The following RIMBP2 variants were observed in gnomAD, a reference collection of about 807,000 sequenced individuals.
RIMBP2 encodes the protein RIMS binding protein 2, also known as RIMS-binding protein 2.
RIMBP2 carries 48 observed loss-of-function variants against 118.6 expected under a neutral mutation model. The ratio of observed to expected loss-of-function variants is 0.40; its 90% CI spans 0.32 to 0.51. RIMBP2 has a LOEUF of 0.51. Ranked by LOEUF, RIMBP2 falls within the 20% of genes least tolerant of loss-of-function variation. The pLI is 0.41. For missense variants in RIMBP2, 1,551 were observed against 1,768.3 expected (o/e 0.88, Z 2.20); for synonymous variants, 762 against 742.9 (o/e 1.03, Z -0.42).
At chr12:130,501,870 C>T (rs547244398) in intron 4 of RIMBP2, among the ~76,000 whole-genome samples, 1 of 152,350 alleles carries the variant, frequency 6.6e-6, no homozygotes, top group South Asian at 2.1e-4. Context: ...GGGCTCCCTG[C>T]CCCGCACCAC....
At chr12:130,588,092 C>G (rs1024971049) in intron 2 of RIMBP2, among the ~76,000 whole-genome samples, 13 of 152,074 alleles carry the variant, frequency 8.5e-5, no homozygotes, top group Non-Finnish European at 1.5e-4. Flanking sequence ...TTCCCCCATC[C>G]CATCTGAATC....
chr12:130,405,441 A>G (rs1461604929), intron 21 of RIMBP2, among the ~76,000 whole-genome samples: 6 of 152,134 alleles, frequency 3.9e-5, no homozygotes, highest in Non-Finnish European at 8.8e-5. Flanking sequence ...GTGGAAACAC[A>G]TGTGCAAGGT....
intron 1 of RIMBP2, among the ~76,000 whole-genome samples, chr12:130,708,536 A>G (rs1949661394): frequency 6.6e-6 from 1 of 152,078 alleles, no homozygotes; most frequent in African/African-American, 2.4e-5. Context: ...AAATATAAAA[A>G]ATTAGCCAGG....
rs745629723 is a variant in RIMBP2 at position 130,451,329 on chromosome 12, C to T, written c.370G>A (p.Ala124Thr). The change falls in exon 8 of 23, where the codon GCT (alanine) becomes ACT (threonine). Residue 124 changes from alanine to threonine, a missense_variant. Ala to Thr is a moderately conservative substitution (Grantham distance 58). Around this residue, in one of 5 missense-constraint regions of RIMBP2, gnomAD observed 239 missense variants for 256.8 expected, o/e 0.93. Transcript: ENST00000690449. ...ATSLGKGQES[A>T]IGGSSAIGEY... ...CCGATCGCAGAGCTGCCTCCAATAG[C>T]GCTCTCCTGACCTGGCCACGAACAT... 17 of 1,612,268 alleles carry T rather than the reference C, an allele frequency of 1.1e-5. No homozygotes were observed. The highest frequency in any genetic ancestry group is 9.9e-5 in the South Asian group (9 of 90,972).
intron 4 of RIMBP2, among the ~76,000 whole-genome samples, chr12:130,485,197 G>A (rs940906551): frequency 6.6e-6 from 1 of 152,258 alleles, no homozygotes; most frequent in Non-Finnish European, 1.5e-5. Context: ...AAATGACGGT[G>A]AGAAATCGGA....
chr12:130,580,328 GT>G (rs778217165), intron 2 of RIMBP2, among the ~76,000 whole-genome samples: 79 of 152,296 alleles, frequency 5.2e-4, no homozygotes, highest in Non-Finnish European at 8.8e-4. Context: ...CATGGGGGTG[GT>G]TTCCCCCATG....
chr12:130,413,592 C>G (rs1268629187), intron 18 of RIMBP2, among the ~76,000 whole-genome samples: 1 of 137,260 alleles, frequency 7.3e-6, no homozygotes, highest in African/African-American at 2.7e-5. Context: ...GAGATGGTGC[C>G]ACTGTACTCC....
At position 130,442,025 on chromosome 12, in the gene RIMBP2, C is replaced by T. The variant is rs889328408; in HGVS notation, c.1327G>A (p.Glu443Lys). The change falls in exon 11 of 23, where the codon GAG (glutamate) becomes AAG (lysine). Residue 443 changes from glutamate (E) to lysine (K), a missense_variant. Glu to Lys is a moderately conservative substitution (Grantham distance 56). This residue lies in a region of RIMBP2 where 265 missense variants were observed against 349.5 expected (regional missense o/e 0.76). Coordinates refer to ENST00000690449, the MANE Select transcript of RIMBP2 (RefSeq NM_001393629.1). This position sits in a 1 kb window ranked among gnomAD's most constrained non-coding sequence, Gnocchi z 6.9. Reference protein sequence around the residue: ...SNYSHVIFLNEEEFDIVKAAR... With the variant: ...SNYSHVIFLNKEEFDIVKAAR... ...GCCTTGACGATGTCGAACTCCTCCTCGTTGAGGAAGATGACGTGGCTGTAG... is the reference window on the plus strand; with the variant it reads ...GCCTTGACGATGTCGAACTCCTCCTTGTTGAGGAAGATGACGTGGCTGTAG... 6.2e-7 allele frequency: 1 copy of T among 1,614,178 alleles called. No homozygotes were observed. Among genetic ancestry groups the T allele is most frequent in the South Asian group, 1.1e-5 (1 of 91,088 alleles).
chr12:130,509,651 A>G (rs771021042), intron 3 of RIMBP2, among the ~76,000 whole-genome samples: 1 of 151,824 alleles, frequency 6.6e-6, no homozygotes, highest in Non-Finnish European at 1.5e-5. Context: ...TACCCATAGC[A>G]GGTGGCCATG....
chr12:130,414,378 T>C (rs779175578), intron 17 of RIMBP2, 72 bp from the exon 18 acceptor site: 1 of 1,455,102 alleles, frequency 6.9e-7, no homozygotes, highest in Non-Finnish European at 9.3e-7. Flanking sequence ...GAAATGCAGC[T>C]TTGGAAAGCA....
intron 1 of RIMBP2, among the ~76,000 whole-genome samples, chr12:130,645,999 C>T (rs112552313): frequency 4.3e-4 from 65 of 152,222 alleles, no homozygotes; most frequent in African/African-American, 8.0e-4. Context: ...CAACACTTTG[C>T]GTTTCACCCA....
At chr12:130,494,498 G>C (rs368951717) in intron 4 of RIMBP2, among the ~76,000 whole-genome samples, 17 of 152,052 alleles carry the variant, frequency 1.1e-4, no homozygotes, top group African/African-American at 3.1e-4. Context: ...AATTAGCCAG[G>C]CATGGTGGCA....
rs1393089409 is a variant in RIMBP2 at position 130,664,401 on chromosome 12, ACG to A, written c.-351-35947_-351-35946del. On this transcript the variant is annotated intron_variant, in intron 1 of 22. Transcript: ENST00000690449. ...CACGCACGCGCATGCACACACACGC[ACG>A]CACGCACGCACACACACGCACACAC... Among the ~76,000 whole-genome samples the A allele has an allele frequency of 8.2e-5, 7 of 85,450 alleles. 1 individual carries two copies. Among genetic ancestry groups the A allele is most frequent in the East Asian group, 3.2e-4 (1 of 3,142 alleles). The allele number at this position is 85,450 out of a possible 152,430, so 56.1% of individuals were successfully genotyped here.
At chr12:130,432,365 A>T in intron 14 of RIMBP2, 1 of 453,408 alleles carries the variant, frequency 2.2e-6, no homozygotes, top group Non-Finnish European at 4.4e-6. Context: ...AGCACTTACT[A>T]CTTGCCAGTT....
chr12:130,631,177 T>C (rs1212808224), intron 1 of RIMBP2, among the ~76,000 whole-genome samples: 1 of 152,190 alleles, frequency 6.6e-6, no homozygotes, highest in Non-Finnish European at 1.5e-5. Flanking sequence ...GAGTTTTTAA[T>C]ATGTGGATTG....
chr12:130,421,143 C>T (rs1025315864), intron 17 of RIMBP2: 2 of 152,066 alleles, frequency 1.3e-5, no homozygotes, highest in Admixed American at 6.5e-5. Flanking sequence ...CCAGGAGAAC[C>T]GATTTATTAA....
chr12:130,486,473 C>T (rs1449385346), intron 4 of RIMBP2, among the ~76,000 whole-genome samples: 2 of 151,966 alleles, frequency 1.3e-5, no homozygotes, highest in Non-Finnish European at 2.9e-5. Context: ...CCCCGCCCCC[C>T]CGCCACTCAT....
intron 1 of RIMBP2, among the ~76,000 whole-genome samples, chr12:130,679,963 G>A (rs34216924): frequency 1.3e-5 from 2 of 151,556 alleles, no homozygotes; most frequent in East Asian, 3.9e-4. Flanking sequence ...CACGCAGGGA[G>A]TGTGTTCGCC....
At chr12:130,467,809 C>A (rs958353713) in intron 6 of RIMBP2, among the ~76,000 whole-genome samples, 1 of 152,124 alleles carries the variant, frequency 6.6e-6, no homozygotes, top group Non-Finnish European at 1.5e-5. Flanking sequence ...CAAGCTGTAC[C>A]CAGACAGCCT....
Sources: gnomAD v4.1 joint callset for allele counts (sites outside exome capture counted in the v4.1 genomes callset) on GRCh38, gnomAD v4.1.1 for gene constraint, gnomAD v4.1.1 regional missense constraint, Gnocchi (gnomAD v3.1) non-coding constraint, MANE v1.5 for transcripts, NCBI Gene and HGNC (gene_info 2026-07-23, HGNC 2026-07-21) for gene names.